The following ROBO2 variants were observed in gnomAD, a reference collection of about 807,000 sequenced individuals.
ROBO2 encodes roundabout homolog 2.
Under a neutral mutation model 160.8 loss-of-function variants are expected in ROBO2, and 53 were observed. The ratio of observed to expected loss-of-function variants is 0.33; its 90% CI spans 0.26 to 0.41. ROBO2 has a LOEUF of 0.41. ROBO2 is among the 10% of genes least tolerant of loss of function. ROBO2 has a pLI of 1.00. For synonymous variants in ROBO2, 664 were observed against 611.7 expected (o/e 1.09, Z -1.26); for missense variants, 1,577 against 1,722.4 (o/e 0.92, Z 1.49).
intron 2 of ROBO2, among the ~76,000 whole-genome samples, chr3:76,930,952 C>A (rs1288209570): frequency 6.6e-6 from 1 of 152,298 alleles, no homozygotes; most frequent in East Asian, 1.9e-4. Context: ...CATCCCTTAG[C>A]CCAGTCAAGC....
intron 2 of ROBO2, among the ~76,000 whole-genome samples, chr3:76,637,267 G>A (rs73841252): frequency 0.016 from 2,428 of 152,174 alleles, 63 homozygotes; most frequent in African/African-American, 0.056. Context: ...CCCTGGAGAT[G>A]TTGAGGTTCA....
intron 2 of ROBO2, among the ~76,000 whole-genome samples, chr3:77,229,812 T>G (rs2086943694): frequency 6.6e-6 from 1 of 152,338 alleles, no homozygotes; most frequent in Admixed American, 6.5e-5. Flanking sequence ...AGGTGATATT[T>G]ATTTCAACCC....
At chr3:76,275,571 A>T (rs1401623353) in intron 2 of ROBO2, among the ~76,000 whole-genome samples, 2 of 152,182 alleles carry the variant, frequency 1.3e-5, no homozygotes, top group Non-Finnish European at 2.9e-5. Context: ...GAATCTTAGC[A>T]GCTCGAAGGT....
chr3:75,945,228 G>A (rs1268140693), intron 2 of ROBO2, among the ~76,000 whole-genome samples: 3 of 152,232 alleles, frequency 2.0e-5, no homozygotes, highest in East Asian at 1.9e-4. Context: ...GCAAAGTATC[G>A]TAAGTTAGAT....
Position 77,401,262 on chromosome 3 carries a change from T to TA in ROBO2, c.389-76152_389-76151insA, listed in dbSNP as rs199942888. Among the ~76,000 whole-genome samples the TA allele has an allele frequency of 6.0e-3, 487 of 81,520 alleles. 5 individuals carry two copies. The highest frequency in any genetic ancestry group is 0.028 in the African/African-American group (424 of 15,096). The allele number at this position is 81,520 out of a possible 152,430, so 53.5% of individuals were successfully genotyped here. On this transcript the variant is annotated intron_variant, in intron 2 of 25. Coordinates refer to ENST00000461745, the Ensembl canonical transcript of ROBO2. ...TGTACTACTGCAGAGTTGTTTGTATTTAAAAAAAAAAAAACTCAAAGAGGG... is the reference window on the plus strand; with the variant it reads ...TGTACTACTGCAGAGTTGTTTGTATTATAAAAAAAAAAAAACTCAAAGAGGG...
chr3:76,546,000 T>C (rs2083077099), intron 2 of ROBO2, among the ~76,000 whole-genome samples: 1 of 151,856 alleles, frequency 6.6e-6, no homozygotes, highest in Non-Finnish European at 1.5e-5. Flanking sequence ...TGTTCCTGAC[T>C]TTTCACTAGA....
At chr3:77,316,307 G>A (rs969399288) in intron 2 of ROBO2, among the ~76,000 whole-genome samples, 2 of 151,746 alleles carry the variant, frequency 1.3e-5, no homozygotes, top group Non-Finnish European at 2.9e-5. Context: ...GTGGGAACAG[G>A]TCATGAAGAT....
At position 76,719,969 on chromosome 3, in the gene ROBO2, G is replaced by A. The variant is rs369760049; in HGVS notation, c.110-378045G>A. Among the ~76,000 whole-genome samples, 355 of 152,088 alleles carry A rather than the reference G, an allele frequency of 2.3e-3. 1 individual carries two copies. Among genetic ancestry groups the A allele is most frequent in the South Asian group, 0.014 (69 of 4,808 alleles). On this transcript the variant is annotated intron_variant, in intron 2 of 26. Coordinates refer to the ROBO2 transcript ENST00000487694. ...CTTAATTGAGAACTTATCAAATATG[G>A]GGCTACATAAGAAAGTGGGATACTG...
chr3:77,486,708 G>T (rs778025720), intron 4 of ROBO2, among the ~76,000 whole-genome samples: 1 of 152,116 alleles, frequency 6.6e-6, no homozygotes, highest in Non-Finnish European at 1.5e-5. Context: ...CTCCCGTTGT[G>T]TAGGTTGTCC....
intron 2 of ROBO2, among the ~76,000 whole-genome samples, chr3:76,412,700 G>A (rs72898583): frequency 0.022 from 3,366 of 152,282 alleles, 128 homozygotes; most frequent in African/African-American, 0.076. Context: ...GATTCCCATG[G>A]TCTTGCACAG....
At chr3:76,448,733 C>A (rs1025081326) in intron 2 of ROBO2, among the ~76,000 whole-genome samples, 2 of 152,146 alleles carry the variant, frequency 1.3e-5, no homozygotes, top group African/African-American at 4.8e-5. Flanking sequence ...TTACTCTGAA[C>A]CAGACTTTAC....
intron 16 of ROBO2, among the ~76,000 whole-genome samples, chr3:77,583,174 AG>A (rs1212129955): frequency 5.6e-4 from 83 of 148,620 alleles, no homozygotes; most frequent in African/African-American, 1.9e-3. Flanking sequence ...AAAAAAAAAA[AG>A]GAAAAAACAT....
intron 2 of ROBO2, among the ~76,000 whole-genome samples, chr3:76,334,743 T>C (rs1054027878): frequency 3.3e-5 from 5 of 152,138 alleles, no homozygotes; most frequent in Admixed American, 2.6e-4. Flanking sequence ...AAACAGAATG[T>C]GTTAAGTATA....
chr3:77,040,988 G>C (rs2064032106), intron 1 of ROBO2, 142 bp downstream of exon 1: 2 of 1,028,380 alleles, frequency 1.9e-6, no homozygotes, highest in Middle Eastern at 2.1e-4. Context: ...GGGCTCCTTG[G>C]GGGCAGAGGT....
intron 6 of ROBO2, among the ~76,000 whole-genome samples, chr3:77,544,317 A>G (rs547331561): frequency 9.2e-5 from 14 of 152,250 alleles, no homozygotes; most frequent in South Asian, 2.1e-4. Context: ...GTAAGAAGCA[A>G]CTAATCTCCT....
At chr3:77,212,136 A>G (rs1377460438) in intron 2 of ROBO2, among the ~76,000 whole-genome samples, 1 of 152,020 alleles carries the variant, frequency 6.6e-6, no homozygotes, top group African/African-American at 2.4e-5. Flanking sequence ...CTTGATGGGG[A>G]TGGCATTGAA....
chr3:76,451,614 A>G (rs1226571422), intron 2 of ROBO2, among the ~76,000 whole-genome samples: 1 of 152,182 alleles, frequency 6.6e-6, no homozygotes, highest in Non-Finnish European at 1.5e-5. Context: ...CCTACTCTGC[A>G]AAGAATTTAT....
At chr3:76,930,213 G>T (rs547371184) in intron 2 of ROBO2, among the ~76,000 whole-genome samples, 3 of 151,918 alleles carry the variant, frequency 2.0e-5, no homozygotes, top group Non-Finnish European at 4.4e-5. Context: ...TAGTATAAAT[G>T]CCAGGCTGGT....
chr3:77,285,488 A>G (rs1401170261), intron 2 of ROBO2, among the ~76,000 whole-genome samples: 1 of 152,194 alleles, frequency 6.6e-6, no homozygotes, highest in Non-Finnish European at 1.5e-5. Context: ...TACATGTAAG[A>G]AAATGGGACT....
Sources: allele counts gnomAD v4.1 joint callset (sites outside exome capture counted in the v4.1 genomes callset), GRCh38; gene constraint gnomAD v4.1.1; transcripts MANE v1.5; gene names NCBI Gene and HGNC (gene_info 2026-07-23, HGNC 2026-07-21).